DEFB104B: variants seen among roughly 807,000 people sequenced by gnomAD.
The protein encoded by DEFB104B is defensin beta 104B.
At chr8:7,473,198 G>A (rs1811014937) in intron 1 of DEFB104B, among the ~76,000 whole-genome samples, 1 of 46,300 alleles carries the variant, frequency 2.2e-5, no homozygotes, top group Non-Finnish European at 7.6e-5. Flanking sequence ...ACAATTCAAA[G>A]TGGGGGTGGC....
At chr8:7,471,170 A>T (rs111543036) in intron 1 of DEFB104B, among the ~76,000 whole-genome samples, 1 of 148,038 alleles carries the variant, frequency 6.8e-6, no homozygotes, top group Non-Finnish European at 1.5e-5. Context: ...CTATATAGGT[A>T]TATATATATA....
chr8:7,474,400 G>A (rs528904410), intron 1 of DEFB104B, among the ~76,000 whole-genome samples: 10 of 143,404 alleles, frequency 7.0e-5, no homozygotes, highest in South Asian at 6.5e-4. Context: ...ATAGATTAAC[G>A]TAGGAGTCAG....
intron 1 of DEFB104B, among the ~76,000 whole-genome samples, chr8:7,471,434 A>G (rs1384666731): frequency 1.0e-4 from 2 of 19,524 alleles, no homozygotes; most frequent in Non-Finnish European, 2.1e-4. Flanking sequence ...GGAGGAAACT[A>G]GAAAGGAGCA....
In DEFB104B at chr8:7,474,781, C is replaced by G. The variant is rs1330474367; in HGVS notation, c.58+230G>C. On this transcript the variant is annotated intron_variant, in intron 1 of 1. Transcript: ENST00000316169. Reference sequence around the variant, plus strand: ...GGACATCTAGGACTCCTGATCCCTACGTTTCTTTTTTCCTCCTTGAGCTAG... The same window carrying G: ...GGACATCTAGGACTCCTGATCCCTAGGTTTCTTTTTTCCTCCTTGAGCTAG... 1.5e-5 allele frequency among the ~76,000 whole-genome samples: 2 copies of G among 133,992 alleles called. 1 individual carries two copies. Among genetic ancestry groups the G allele is most frequent in the East Asian group, 4.2e-4 (2 of 4,802 alleles). 87.9% of individuals were successfully genotyped at this position (133,992 alleles called of 152,430 possible).
rs1332507689 is a variant in DEFB104B at position 7,474,157 on chromosome 8, C to T, written c.58+854G>A. ...AAAAAGATGGGTGCTGGGTGTCTGT[C>T]AAAGCCCCATAAAATTGACTGAGCA... On this transcript the variant is annotated intron_variant, in intron 1 of 1. Transcript: ENST00000316169. Among the ~76,000 whole-genome samples, 14 of 141,928 alleles carry T rather than the reference C, an allele frequency of 9.9e-5. 1 individual carries two copies. Among genetic ancestry groups the T allele is most frequent in the Admixed American group, 9.8e-4 (14 of 14,232 alleles). 93.1% of individuals were successfully genotyped at this position (141,928 alleles called of 152,430 possible). A position where few individuals can be genotyped will look rare whatever the true frequency, so the allele number is the denominator to read the frequency against.
intron 1 of DEFB104B, among the ~76,000 whole-genome samples, chr8:7,474,148 G>T (rs1811047314): frequency 7.1e-6 from 1 of 141,426 alleles, no homozygotes; most frequent in Non-Finnish European, 1.6e-5. Flanking sequence ...ATGGGTGCTG[G>T]GTGTCTGTCA....
At chr8:7,474,343 A>T (rs141557632) in intron 1 of DEFB104B, among the ~76,000 whole-genome samples, 3,134 of 120,286 alleles carry the variant, frequency 0.026, 89 homozygotes, top group Non-Finnish European at 0.028. Flanking sequence ...TTAGGTGCTC[A>T]CTCATATCCA....
chr8:7,470,753 C>T (rs1585519423), intron 1 of DEFB104B, among the ~76,000 whole-genome samples: 2 of 62,966 alleles, frequency 3.2e-5, no homozygotes, highest in Middle Eastern at 4.6e-3. Context: ...TTTCAAAATC[C>T]CTACAAGTTT....
At chr8:7,472,043 C>G (rs1186941607) in intron 1 of DEFB104B, among the ~76,000 whole-genome samples, 1 of 151,322 alleles carries the variant, frequency 6.6e-6, no homozygotes, top group African/African-American at 2.5e-5. Context: ...TTTGGAATGG[C>G]CCCACAGCGG....
chr8:7,473,886 C>A (rs1490520756), intron 1 of DEFB104B, among the ~76,000 whole-genome samples: 1 of 140,644 alleles, frequency 7.1e-6, no homozygotes, highest in African/African-American at 2.6e-5. Context: ...CTGGAGGGAT[C>A]CCTGACCCAG....
intron 1 of DEFB104B, among the ~76,000 whole-genome samples, chr8:7,470,998 G>T (rs1810917879): frequency 1.3e-5 from 2 of 148,490 alleles, no homozygotes; most frequent in Admixed American, 1.3e-4. Flanking sequence ...TCCCATAAGT[G>T]AATTCTTTGA....
At chr8:7,472,465 A>G (rs1436183108) in intron 1 of DEFB104B, among the ~76,000 whole-genome samples, 5 of 139,390 alleles carry the variant, frequency 3.6e-5, no homozygotes, top group Admixed American at 7.1e-5. Flanking sequence ...AAGCTGGAAC[A>G]GAAACCTAGT....
chr8:7,473,989 A>G (rs1386826320), intron 1 of DEFB104B, among the ~76,000 whole-genome samples: 1 of 139,720 alleles, frequency 7.2e-6, no homozygotes, highest in Non-Finnish European at 1.6e-5. Context: ...GACCTGGAAC[A>G]TGCTCATAGC....
chr8:7,474,250 C>G (rs1216092971), intron 1 of DEFB104B, among the ~76,000 whole-genome samples: 3 of 145,712 alleles, frequency 2.1e-5, no homozygotes, highest in African/African-American at 7.6e-5. Flanking sequence ...CACTGCTAGA[C>G]TTGTTAAGCA....
At chr8:7,474,609 A>T (rs1334778985) in intron 1 of DEFB104B, among the ~76,000 whole-genome samples, 5 of 141,290 alleles carry the variant, frequency 3.5e-5, no homozygotes, top group African/African-American at 1.3e-4. Flanking sequence ...AGCTGTTCAG[A>T]AGGAGGAGGA....
chr8:7,470,959 T>C (rs1369504799), intron 1 of DEFB104B, among the ~76,000 whole-genome samples: 43 of 130,726 alleles, frequency 3.3e-4, no homozygotes, highest in Middle Eastern at 0.01. Flanking sequence ...ACGTGCACTG[T>C]CCCCTCTGCC....
intron 1 of DEFB104B, among the ~76,000 whole-genome samples, chr8:7,471,958 G>T (rs1312954533): frequency 1.3e-5 from 2 of 150,844 alleles, no homozygotes; most frequent in Non-Finnish European, 2.9e-5. Context: ...AAGGTTCTTT[G>T]TCCAGGATGT....
chr8:7,474,772 T>C (rs1404336966), intron 1 of DEFB104B, among the ~76,000 whole-genome samples: 1 of 135,498 alleles, frequency 7.4e-6, no homozygotes, highest in African/African-American at 2.6e-5. Flanking sequence ...CTAGGACTCC[T>C]GATCCCTACG....
chr8:7,473,885 T>C, intron 1 of DEFB104B, among the ~76,000 whole-genome samples: 1 of 140,520 alleles, frequency 7.1e-6, no homozygotes, highest in Admixed American at 7.2e-5. Context: ...TCTGGAGGGA[T>C]CCCTGACCCA....
Sources: allele counts gnomAD v4.1 joint callset (sites outside exome capture counted in the v4.1 genomes callset), GRCh38; gene constraint gnomAD v4.1.1; transcripts MANE v1.5; gene names NCBI Gene and HGNC (gene_info 2026-07-23, HGNC 2026-07-21).